Variants in COL22A1 observed in about 807,000 individuals in gnomAD.
COL22A1 encodes collagen type XXII alpha 1 chain, also known as collagen alpha-1(XXII) chain.
A neutral mutation model predicts 248.9 loss-of-function variants in COL22A1; 221 were observed. The ratio of observed to expected loss-of-function variants is 0.89; its 90% CI spans 0.80 to 0.99. The LOEUF (loss-of-function observed/expected upper bound fraction) is 0.99, where lower values mean the gene tolerates loss of function less well. COL22A1 is among the 50% of genes least tolerant of loss of function. The pLI, the probability that COL22A1 is intolerant of heterozygous loss-of-function variation, is 0.00. For synonymous variants in COL22A1, 891 were observed against 793.4 expected, an observed-to-expected ratio of 1.12 and a Z score of -2.07; for missense variants, 2,240 against 2,179.0, an observed-to-expected ratio of 1.03 and a Z score of -0.56.
intron 1 of COL22A1, among the ~76,000 whole-genome samples, 175 bp downstream of exon 1, chr8:138,913,444 A>C (rs1033290281): frequency 6.6e-6 from 1 of 152,130 alleles, no homozygotes; most frequent in African/African-American, 2.4e-5. Flanking sequence ...GTCACTCCCT[A>C]AAGAGCGAAG....
chr8:138,614,624 C>T (rs1287249698), intron 55 of COL22A1, among the ~76,000 whole-genome samples: 3 of 152,164 alleles, frequency 2.0e-5, no homozygotes, highest in African/African-American at 7.2e-5. Flanking sequence ...GCCTGGGTAG[C>T]ACCCTGCATC....
intron 21 of COL22A1, among the ~76,000 whole-genome samples, chr8:138,754,470 T>A (rs1832838104): frequency 6.6e-6 from 1 of 152,224 alleles, no homozygotes; most frequent in Admixed American, 6.5e-5. Context: ...ATAAATCTGA[T>A]CTATGTTCAT....
chr8:138,744,583 C>T (rs1019358644), intron 22 of COL22A1, among the ~76,000 whole-genome samples: 1 of 152,154 alleles, frequency 6.6e-6, no homozygotes, highest in Admixed American at 6.5e-5. Context: ...TAAGTACCCT[C>T]ACTACCTACA....
intron 3 of COL22A1, among the ~76,000 whole-genome samples, chr8:138,869,516 C>T (rs535584030): frequency 5.9e-5 from 9 of 152,234 alleles, no homozygotes; most frequent in Admixed American, 1.3e-4. Context: ...AGTGACCCAA[C>T]GGTTCCAGGG....
chr8:138,871,378 G>C (rs1482394556), intron 3 of COL22A1, among the ~76,000 whole-genome samples: 6 of 152,156 alleles, frequency 3.9e-5, no homozygotes, highest in Admixed American at 1.3e-4. Flanking sequence ...CTCCCACTCA[G>C]TCCCTTTGCA....
chr8:138,644,747 G>A lies in COL22A1; in HGVS notation c.3501+1882C>T, dbSNP rs183130029. Among the ~76,000 whole-genome samples, 40 of 152,234 alleles carry A rather than the reference G, an allele frequency of 2.6e-4. No individual in the cohort carries two copies. In the East Asian group the frequency reaches 5.0e-3, roughly 19 times the overall value. ...TTCCCATGCACATGTTTCTCCTTCTGTAAAGATTCATGACTTCTCCTATAG... is the reference window on the plus strand; with the variant it reads ...TTCCCATGCACATGTTTCTCCTTCTATAAAGATTCATGACTTCTCCTATAG... On this transcript the variant is annotated intron_variant, in intron 47 of 64. Coordinates refer to ENST00000303045, the MANE Select transcript of COL22A1 (RefSeq NM_152888.3).
chr8:138,652,367 GAC>G (rs1436860638), intron 45 of COL22A1, among the ~76,000 whole-genome samples: 2 of 152,204 alleles, frequency 1.3e-5, no homozygotes, highest in Non-Finnish European at 2.9e-5. Context: ...ACACTGTCCT[GAC>G]ACAGAGTGAA....
intron 41 of COL22A1, among the ~76,000 whole-genome samples, chr8:138,675,044 A>G (rs1201207251): frequency 6.6e-6 from 1 of 152,230 alleles, no homozygotes; most frequent in Non-Finnish European, 1.5e-5. Flanking sequence ...AGACATTCCC[A>G]AGGGCATTCC....
At chr8:138,634,384 T>G (rs1820971805) in intron 49 of COL22A1, among the ~76,000 whole-genome samples, 1 of 152,150 alleles carries the variant, frequency 6.6e-6, no homozygotes, top group Non-Finnish European at 1.5e-5. Flanking sequence ...GGACTGGTCC[T>G]GGGCTTGGCA....
chr8:138,807,495 C>G (rs1263561872), intron 10 of COL22A1, among the ~76,000 whole-genome samples: 3 of 152,160 alleles, frequency 2.0e-5, no homozygotes, highest in Non-Finnish European at 4.4e-5. Context: ...GAGAGTTGAG[C>G]GTGTTGGAGC....
At chr8:138,762,546 G>C (rs1002557637) in intron 16 of COL22A1, 80 bp from the exon 17 acceptor site, 7 of 1,355,312 alleles carry the variant, frequency 5.2e-6, no homozygotes, top group Non-Finnish European at 5.2e-6. Flanking sequence ...CACAGTGACC[G>C]TCATGGACAA....
rs2130547421 is a variant in COL22A1, at chr8:138,649,682, C to T, written c.3430G>A (p.Gly1144Ser). The stretch of plus-strand genomic sequence containing the variant: ...CTCCTTACCTTTTTCCCTTCTGTGC[C>T]TTCTCTCCCTGGCTTTCCTGGGACA... ...KGVPGKPGRE[G>S]TEGKKGEAGP... Residue 1144 changes from glycine (G) to serine (S), a missense_variant, in exon 46 of 65, where the codon GGC becomes AGC. Physicochemically the swap from Gly to Ser is moderately conservative, Grantham distance 56 (BLOSUM62 0). Coordinates refer to ENST00000303045, the MANE Select transcript of COL22A1 (RefSeq NM_152888.3). The T allele has an allele frequency of 6.2e-7, 1 of 1,613,264 alleles. No individual in the cohort carries two copies. The highest frequency in any genetic ancestry group is 1.7e-4 in the Middle Eastern group (1 of 6,058).
chr8:138,629,879 G>T (rs572233079), intron 50 of COL22A1, among the ~76,000 whole-genome samples: 3 of 152,096 alleles, frequency 2.0e-5, no homozygotes, highest in Non-Finnish European at 4.4e-5. Context: ...TAGGGATTGC[G>T]CCTGGCTCTG....
chr8:138,747,675 T>C (rs1832235679), intron 22 of COL22A1, among the ~76,000 whole-genome samples: 1 of 152,188 alleles, frequency 6.6e-6, no homozygotes. Flanking sequence ...TCCCCCGGCC[T>C]GCCAGAATAT....
At chr8:138,811,019 C>T (rs1818165158) in intron 9 of COL22A1, among the ~76,000 whole-genome samples, 1 of 152,152 alleles carries the variant, frequency 6.6e-6, no homozygotes, top group Non-Finnish European at 1.5e-5. Context: ...CAGACACTTT[C>T]CCCAGCACAG....
chr8:138,863,545 A>G (rs1223041173), intron 3 of COL22A1, among the ~76,000 whole-genome samples: 3 of 152,158 alleles, frequency 2.0e-5, no homozygotes, highest in Non-Finnish European at 4.4e-5. Context: ...GTCCCAATCT[A>G]CAAAGCAATA....
chr8:138,671,781 C>T (rs2130774076), intron 41 of COL22A1, among the ~76,000 whole-genome samples: 1 of 152,304 alleles, frequency 6.6e-6, no homozygotes, highest in South Asian at 2.1e-4. Context: ...TTCCAATGGA[C>T]TATTCTTACA....
intron 3 of COL22A1, among the ~76,000 whole-genome samples, chr8:138,848,949 A>G (rs1821437559): frequency 1.3e-5 from 2 of 152,270 alleles, no homozygotes; most frequent in Admixed American, 6.5e-5. Context: ...ATCACCTCGC[A>G]GCGGCCGCTG....
intron 17 of COL22A1, among the ~76,000 whole-genome samples, chr8:138,761,041 G>A (rs1040885629): frequency 2.2e-4 from 34 of 152,162 alleles, no homozygotes; most frequent in African/African-American, 6.0e-4. Context: ...ACATAGACAT[G>A]CGTTCAAGGA....
Sources: gnomAD v4.1 joint callset for allele counts (sites outside exome capture counted in the v4.1 genomes callset) on GRCh38, gnomAD v4.1.1 for gene constraint, MANE v1.5 for transcripts, NCBI Gene and HGNC (gene_info 2026-07-23, HGNC 2026-07-21) for gene names.